DTNBP1: variants seen among roughly 807,000 people sequenced by gnomAD.
The protein encoded by DTNBP1 is dystrobrevin binding protein 1, also known as dysbindin.
DTNBP1 carries 35 observed loss-of-function variants against 42.8 expected under a neutral mutation model. The observed-to-expected ratio is 0.82, with a 90% confidence interval of 0.63 to 1.09. The LOEUF (loss-of-function observed/expected upper bound fraction) is 1.09, where lower values mean the gene tolerates loss of function less well. Among genes scored for constraint, DTNBP1 ranks in the 50% least tolerant of loss-of-function variants. The pLI is 0.00. For missense variants in DTNBP1, 457 were observed against 424.2 expected (o/e 1.08, Z -0.68); for synonymous variants, 171 against 162.2 (o/e 1.05, Z -0.41).
intron 6 of DTNBP1, among the ~76,000 whole-genome samples, chr6:15,607,041 C>T (rs1422175884): frequency 6.9e-6 from 1 of 144,258 alleles, no homozygotes; most frequent in African/African-American, 2.6e-5. Context: ...GACAGAGTCT[C>T]ACTCTGTAAC....
At chr6:15,531,266 G>A (rs955595204) in intron 8 of DTNBP1, among the ~76,000 whole-genome samples, 10 of 152,176 alleles carry the variant, frequency 6.6e-5, no homozygotes, top group African/African-American at 2.4e-4. Flanking sequence ...GTAAGACAGT[G>A]TCCTTCTCGG....
At chr6:15,532,363 A>C (rs9296980) in intron 8 of DTNBP1, among the ~76,000 whole-genome samples, 18,849 of 152,248 alleles carry the variant, frequency 0.12, 1,453 homozygotes, top group African/African-American at 0.22. Context: ...TTACTGAGGG[A>C]AAGATTTTAA....
intron 7 of DTNBP1, among the ~76,000 whole-genome samples, chr6:15,544,613 G>A (rs77162137): frequency 4.0e-4 from 61 of 152,316 alleles, no homozygotes; most frequent in Admixed American, 7.2e-4. Flanking sequence ...GTATCCCTGC[G>A]CTGAAATCTG....
intron 5 of DTNBP1, among the ~76,000 whole-genome samples, chr6:15,625,809 G>C (rs572808590): frequency 6.6e-6 from 1 of 152,326 alleles, no homozygotes; most frequent in East Asian, 1.9e-4. Flanking sequence ...GTGACTCAAA[G>C]AGATACAGGA....
chr6:15,643,935 A>G (rs1326469660), intron 3 of DTNBP1, among the ~76,000 whole-genome samples: 1 of 152,164 alleles, frequency 6.6e-6, no homozygotes, highest in Non-Finnish European at 1.5e-5. Context: ...TTCACATATC[A>G]ATATTAACCT....
At chr6:15,549,642 T>C (rs2113406269) in intron 7 of DTNBP1, among the ~76,000 whole-genome samples, 1 of 151,988 alleles carries the variant, frequency 6.6e-6, no homozygotes, top group East Asian at 1.9e-4. Context: ...CCGCAGCAAC[T>C]CTGGGCCTCC....
rs773167384 is a variant in DTNBP1 at position 15,523,822 on chromosome 6, C to A, written c.812-603G>T. 3.1e-6 allele frequency: 4 copies of A among 1,287,082 alleles called. No individual in the cohort carries two copies. In the South Asian group the frequency reaches 4.9e-5, roughly 16 times the overall value. The allele number at this position is 1,287,082 out of a possible 1,614,324, so 79.7% of individuals were successfully genotyped here. ...TTCTCTTCCCCAGGATGACACCGTTCTGACAGATTGCCAGGAGAAGCGGGT... is the reference window on the plus strand; with the variant it reads ...TTCTCTTCCCCAGGATGACACCGTTATGACAGATTGCCAGGAGAAGCGGGT... On this transcript the variant is annotated intron_variant, in intron 9 of 9. Transcript: ENST00000344537.
chr6:15,660,174 T>C (rs1581447723), intron 1 of DTNBP1, among the ~76,000 whole-genome samples: 3 of 152,230 alleles, frequency 2.0e-5, no homozygotes, highest in Admixed American at 2.0e-4. Flanking sequence ...GCATTGCATT[T>C]ATGTAATATG....
intron 3 of DTNBP1, among the ~76,000 whole-genome samples, chr6:15,641,634 C>T (rs757266440): frequency 2.0e-5 from 3 of 152,174 alleles, no homozygotes; most frequent in Non-Finnish European, 4.4e-5. Flanking sequence ...ACACTCCTCT[C>T]AGGTGCCAGA....
At chr6:15,631,503 G>A (rs1311733164) in intron 4 of DTNBP1, among the ~76,000 whole-genome samples, 2 of 152,154 alleles carry the variant, frequency 1.3e-5, no homozygotes, top group African/African-American at 4.8e-5. Flanking sequence ...GATACATATA[G>A]GTGTAGTAGT....
chr6:15,531,914 A>G (rs575721650), intron 8 of DTNBP1, among the ~76,000 whole-genome samples: 139 of 152,322 alleles, frequency 9.1e-4, no homozygotes, highest in Admixed American at 1.9e-3. Context: ...TTATAGGCGT[A>G]TGCCACTGCG....
rs547307699 is a variant in DTNBP1, at chr6:15,600,235, A to G, written c.489-7154T>C. On this transcript the variant is annotated intron_variant, in intron 6 of 9. Coordinates refer to ENST00000344537, the MANE Select transcript of DTNBP1 (RefSeq NM_032122.5). ...AGATGGCTTTGTGTGGAGGCAGTTT[A>G]CTATCAAAGATATGAGGAGACTTTG... Among the ~76,000 whole-genome samples the G allele has an allele frequency of 2.0e-5, 3 of 152,282 alleles. No homozygotes were observed. In the East Asian group the frequency reaches 5.8e-4, roughly 29 times the overall value.
chr6:15,634,519 C>T (rs982109210), intron 4 of DTNBP1, among the ~76,000 whole-genome samples: 4 of 152,102 alleles, frequency 2.6e-5, no homozygotes, highest in East Asian at 1.9e-4. Flanking sequence ...GATTTCACCA[C>T]GTTGCTCAGG....
At chr6:15,528,161 G>T (rs1274561286) in intron 8 of DTNBP1, among the ~76,000 whole-genome samples, 2 of 152,186 alleles carry the variant, frequency 1.3e-5, no homozygotes, top group Non-Finnish European at 2.9e-5. Context: ...AAGACCCCAA[G>T]AAGAGTCATG....
intron 7 of DTNBP1, chr6:15,546,060 G>GCTCT: frequency 2.8e-6 from 1 of 354,218 alleles, no homozygotes; most frequent in East Asian, 8.9e-5. Flanking sequence ...GTCACCTCCA[G>GCTCT]TTCTTTTTTT....
chr6:15,533,097 C>T (rs370023446), intron 8 of DTNBP1, 143 bp downstream of exon 8: 31 of 1,270,808 alleles, frequency 2.4e-5, no homozygotes, highest in African/African-American at 1.2e-4. Flanking sequence ...GGTGGCCCGA[C>T]GCACACATTT....
chr6:15,567,105 T>C (rs937070235), intron 7 of DTNBP1, among the ~76,000 whole-genome samples: 25 of 152,274 alleles, frequency 1.6e-4, no homozygotes, highest in Middle Eastern at 3.4e-3. Flanking sequence ...ACATTTGCCA[T>C]CTATTGTCAT....
At chr6:15,597,499 T>C (rs1337788822) in intron 6 of DTNBP1, among the ~76,000 whole-genome samples, 1 of 152,230 alleles carries the variant, frequency 6.6e-6, no homozygotes, top group African/African-American at 2.4e-5. Context: ...GTTATTAGCA[T>C]AAAAATGCTA....
intron 7 of DTNBP1, among the ~76,000 whole-genome samples, chr6:15,579,357 G>C (rs1370407718): frequency 6.6e-6 from 1 of 152,214 alleles, no homozygotes; most frequent in African/African-American, 2.4e-5. Context: ...CATAGAAGTA[G>C]AGACTAGAAT....
Sources: allele counts gnomAD v4.1 joint callset (sites outside exome capture counted in the v4.1 genomes callset), GRCh38; gene constraint gnomAD v4.1.1; transcripts MANE v1.5; gene names NCBI Gene and HGNC (gene_info 2026-07-23, HGNC 2026-07-21).